SGCZ: variants seen among roughly 807,000 people sequenced by gnomAD.
SGCZ encodes the protein zeta-sarcoglycan.
Under a neutral mutation model 41.3 loss-of-function variants are expected in SGCZ, and 40 were observed. The observed-to-expected ratio is 0.97, with a 90% confidence interval of 0.75 to 1.26. The LOEUF is 1.26. SGCZ is among the 50% of genes most tolerant of loss of function. The pLI, the probability that SGCZ is intolerant of heterozygous loss-of-function variation, is 0.00. For synonymous variants in SGCZ, 206 were observed against 137.5 expected (o/e 1.50, Z -3.49); for missense variants, 552 against 369.8 (o/e 1.49, Z -4.04).
At chr8:15,129,939 C>T (rs962085957) in intron 1 of SGCZ, among the ~76,000 whole-genome samples, 3 of 151,914 alleles carry the variant, frequency 2.0e-5, no homozygotes, top group African/African-American at 7.3e-5. Flanking sequence ...TGCATATATA[C>T]ATATACATAT....
intron 5 of SGCZ, among the ~76,000 whole-genome samples, chr8:14,147,305 A>G: frequency 6.6e-6 from 1 of 152,106 alleles, no homozygotes; most frequent in Non-Finnish European, 1.5e-5. Flanking sequence ...CCAATGATCT[A>G]TTGCCTCCAA....
At chr8:14,302,169 C>T (rs1282810748) in intron 3 of SGCZ, among the ~76,000 whole-genome samples, 4 of 152,040 alleles carry the variant, frequency 2.6e-5, no homozygotes, top group Non-Finnish European at 1.5e-5. Context: ...TATTCAAATA[C>T]ACCTCTTAAC....
At chr8:14,742,898 T>C (rs2130285881) in intron 1 of SGCZ, among the ~76,000 whole-genome samples, 1 of 152,236 alleles carries the variant, frequency 6.6e-6, no homozygotes, top group African/African-American at 2.4e-5. Context: ...TATTCAAAAG[T>C]TACTTTCCAA....
intron 2 of SGCZ, among the ~76,000 whole-genome samples, chr8:14,410,648 T>C (rs1439877463): frequency 1.3e-5 from 2 of 151,880 alleles, no homozygotes; most frequent in Non-Finnish European, 2.9e-5. Context: ...TTACTACAAA[T>C]ACCTAAGGCA....
intron 1 of SGCZ, among the ~76,000 whole-genome samples, chr8:14,788,724 T>G (rs545905784): frequency 6.6e-6 from 1 of 152,300 alleles, no homozygotes; most frequent in South Asian, 2.1e-4. Context: ...GAACAAGCAT[T>G]AGCAAATACC....
At chr8:14,405,350 C>T (rs1329742413) in intron 2 of SGCZ, among the ~76,000 whole-genome samples, 1 of 145,690 alleles carries the variant, frequency 6.9e-6, no homozygotes, top group Non-Finnish European at 1.6e-5. Flanking sequence ...ATCTTCCCCA[C>T]TATTATTTTT....
intron 1 of SGCZ, among the ~76,000 whole-genome samples, chr8:14,747,705 T>TTGTGTGTG (rs59524830): frequency 0.014 from 1,880 of 136,594 alleles, 21 homozygotes; most frequent in Non-Finnish European, 0.021. Flanking sequence ...GTGTGTGTAT[T>TTGTGTGTG]TGTGTGTGTG....
chr8:14,125,545 C>G (rs1476049278), intron 5 of SGCZ, among the ~76,000 whole-genome samples: 11 of 151,446 alleles, frequency 7.3e-5, no homozygotes, highest in Admixed American at 7.2e-4. Context: ...GTGAAAATGG[C>G]CACACTGCCC....
chr8:14,704,753 G>A (rs764754541), intron 1 of SGCZ, among the ~76,000 whole-genome samples: 5 of 151,794 alleles, frequency 3.3e-5, no homozygotes, highest in Non-Finnish European at 7.4e-5. Context: ...CACTTTTTAA[G>A]ATGCTACTCC....
At chr8:14,888,012 T>C (rs1316275031) in intron 1 of SGCZ, among the ~76,000 whole-genome samples, 1 of 152,166 alleles carries the variant, frequency 6.6e-6, no homozygotes, top group Non-Finnish European at 1.5e-5. Context: ...GTGATAGATG[T>C]GTTGATTAGC....
chr8:14,627,286 T>A lies in SGCZ; in HGVS notation c.40-72360A>T, dbSNP rs116232819. ...ATCTTCTGTGGGTAAAATAACAATA[T>A]ATCTTTGGGATATATTAACACACAA... On this transcript the variant is annotated intron_variant, in intron 1 of 7. Coordinates refer to ENST00000382080, the MANE Select transcript of SGCZ (RefSeq NM_139167.4). 8.8e-3 allele frequency among the ~76,000 whole-genome samples: 1,341 copies of A among 152,254 alleles called. 18 individuals carry two copies. Among genetic ancestry groups the A allele is most frequent in the African/African-American group, 0.031 (1,270 of 41,572 alleles).
intron 7 of SGCZ, among the ~76,000 whole-genome samples, chr8:14,095,604 A>G (rs1322304861): frequency 6.6e-6 from 1 of 152,086 alleles, no homozygotes; most frequent in Non-Finnish European, 1.5e-5. Context: ...TTGCTTCCAT[A>G]TGAAGTTTAA....
intron 3 of SGCZ, among the ~76,000 whole-genome samples, chr8:14,286,750 C>T (rs967767119): frequency 3.3e-5 from 5 of 151,948 alleles, no homozygotes; most frequent in South Asian, 2.1e-4. Flanking sequence ...GCCATATTTC[C>T]AGAAATCAAT....
intron 2 of SGCZ, among the ~76,000 whole-genome samples, chr8:14,366,778 A>G (rs1261930094): frequency 6.6e-6 from 1 of 152,168 alleles, no homozygotes; most frequent in African/African-American, 2.4e-5. Context: ...CCTTCTACTT[A>G]TCAGCCTGTA....
chr8:14,830,782 T>A (rs1802499421), intron 1 of SGCZ, among the ~76,000 whole-genome samples: 1 of 152,136 alleles, frequency 6.6e-6, no homozygotes, highest in Non-Finnish European at 1.5e-5. Flanking sequence ...GGTCACAACA[T>A]CTCAAAAGGT....
chr8:14,931,241 A>T (rs1799915317), intron 1 of SGCZ, among the ~76,000 whole-genome samples: 1 of 152,012 alleles, frequency 6.6e-6, no homozygotes, highest in African/African-American at 2.4e-5. Context: ...GGGTAAAAAA[A>T]ATCTCATTTT....
intron 1 of SGCZ, among the ~76,000 whole-genome samples, chr8:14,606,786 C>T (rs562033891): frequency 5.9e-5 from 9 of 152,192 alleles, no homozygotes; most frequent in Admixed American, 2.0e-4. Flanking sequence ...AGAAGAAATG[C>T]TATGATGTGG....
intron 7 of SGCZ, among the ~76,000 whole-genome samples, chr8:14,095,186 G>A (rs563780890): frequency 3.4e-4 from 51 of 152,070 alleles, no homozygotes; most frequent in African/African-American, 1.2e-3. Flanking sequence ...TGTTTTAATC[G>A]TGAAGTCTTT....
chr8:14,349,670 T>C (rs1798128159), intron 2 of SGCZ, among the ~76,000 whole-genome samples: 2 of 152,056 alleles, frequency 1.3e-5, no homozygotes, highest in Admixed American at 6.6e-5. Context: ...ACTTACCAAA[T>C]AAAAACAAGC....
Sources: gnomAD v4.1 joint callset for allele counts (sites outside exome capture counted in the v4.1 genomes callset) on GRCh38, gnomAD v4.1.1 for gene constraint, MANE v1.5 for transcripts, NCBI Gene and HGNC (gene_info 2026-07-23, HGNC 2026-07-21) for gene names.